The following RFX7 variants were observed in gnomAD, a reference collection of about 807,000 sequenced individuals.
RFX7 encodes the protein regulatory factor X7, also known as DNA-binding protein RFX7.
Under a neutral mutation model 111.8 loss-of-function variants are expected in RFX7, and 26 were observed. The ratio of observed to expected loss-of-function variants is 0.23; its 90% CI spans 0.17 to 0.32. The LOEUF (loss-of-function observed/expected upper bound fraction) is 0.32. Among genes scored for constraint, RFX7 ranks in the 10% least tolerant of loss-of-function variants. The probability of loss-of-function intolerance (pLI) is 1.00; values close to 1 mark genes in which losing one functional copy is unlikely to be tolerated. For missense variants in RFX7, 1,573 were observed against 1,772.9 expected (o/e 0.89, Z 2.02); for synonymous variants, 624 against 624.4 (o/e 1.00, Z 0.01).
At chr15:56,238,806 G>A (rs1316613943) in intron 2 of RFX7, among the ~76,000 whole-genome samples, 1 of 152,070 alleles carries the variant, frequency 6.6e-6, no homozygotes, top group East Asian at 1.9e-4. Flanking sequence ...GGGATCATAT[G>A]TGCTTCCGAC....
At chr15:56,134,876 G>A (rs1364250466) in intron 5 of RFX7, among the ~76,000 whole-genome samples, 1 of 151,810 alleles carries the variant, frequency 6.6e-6, no homozygotes, top group African/African-American at 2.4e-5. Flanking sequence ...TTGGTTTTTT[G>A]TTCTTGCGAT....
At chr15:56,110,563 C>T (rs1206298942) in intron 5 of RFX7, among the ~76,000 whole-genome samples, 13 of 12,756 alleles carry the variant, frequency 1.0e-3, no homozygotes, top group Non-Finnish European at 1.4e-3. Context: ...GCCCCCCGCC[C>T]GGCCAGCCAC....
rs2141255027 is a variant in RFX7 at position 56,243,276 on chromosome 15, C to G, written c.10G>C (p.Glu4Gln). The G allele has an allele frequency of 1.6e-6, 2 of 1,247,796 alleles. No homozygotes were observed. The highest frequency in any genetic ancestry group is 6.5e-5 in the East Asian group (1 of 15,470). The allele number at this position is 1,247,796 out of a possible 1,614,324, so 77.3% of individuals were successfully genotyped here. The change falls in exon 2 of 10, where the codon GAA becomes CAA. Residue 4 changes from glutamate (E) to glutamine (Q), a missense_variant. Glu to Gln is a conservative substitution (Grantham distance 29). Transcript: ENST00000559447. MAEEQQQPPPQQPD... is the reference protein window; with the variant it reads MAEQQQQPPPQQPD... Reference sequence around the variant, plus strand: ...TGCTGTGGTGGCGGCTGTTGTTGTTCCTCTGCCATCGCTGCAGAGGGGTGG... The same window carrying G: ...TGCTGTGGTGGCGGCTGTTGTTGTTGCTCTGCCATCGCTGCAGAGGGGTGG...
Position 56,231,277 on chromosome 15 carries a change from T to C in RFX7, c.161+11848A>G, listed in dbSNP as rs539133893. On this transcript the variant is annotated intron_variant, in intron 2 of 9. Coordinates refer to ENST00000559447, the MANE Select transcript of RFX7 (RefSeq NM_022841.7). ...ATTATGGTCTTGGCAGTCATATTAG[T>C]CTGTTTTCATGCTGCTGTTAAAGAC... Among the ~76,000 whole-genome samples the C allele has an allele frequency of 4.5e-4, 68 of 152,246 alleles. No homozygotes were observed. In the South Asian group the frequency reaches 0.013, roughly 28 times the overall value.
chr15:56,094,493 C>T lies in RFX7; in HGVS notation c.3235G>A (p.Gly1079Ser), dbSNP rs1379116022. 1 of 1,613,904 alleles carries T rather than the reference C, an allele frequency of 6.2e-7. No homozygotes were observed. Among genetic ancestry groups the T allele is most frequent in the Non-Finnish European group, 8.5e-7 (1 of 1,179,870 alleles). Residue 1079 changes from glycine (G) to serine (S), a missense_variant, in exon 10 of 10, where the codon GGC (glycine) becomes AGC (serine). This residue lies in a region of RFX7 where 411 missense variants were observed against 478.1 expected (regional missense o/e 0.86). Transcript: ENST00000559447. ...YSGVGNSSVS[G>S]HGILPSYQEL... ...TGATAGCTTGGGAGAATACCATGGC[C>T]AGAAACTGATGAATTACCAACCCCA...
chr15:56,131,728 G>C (rs370359823), intron 5 of RFX7, among the ~76,000 whole-genome samples: 37 of 152,256 alleles, frequency 2.4e-4, no homozygotes, highest in Middle Eastern at 3.4e-3. Flanking sequence ...CTTAACATCA[G>C]TGAACTTACT....
chr15:56,125,509 T>G (rs1160076475), intron 5 of RFX7, among the ~76,000 whole-genome samples: 1 of 152,126 alleles, frequency 6.6e-6, no homozygotes, highest in East Asian at 1.9e-4. Context: ...CATTTATTTG[T>G]ATCTTCTTTA....
chr15:56,135,647 T>C (rs1448455663), intron 5 of RFX7, among the ~76,000 whole-genome samples: 2 of 152,278 alleles, frequency 1.3e-5, no homozygotes, highest in Admixed American at 6.5e-5. Context: ...ATTTTGGCTT[T>C]TGTTGCCATT....
chr15:56,109,779 T>C (rs1327315229), intron 5 of RFX7, among the ~76,000 whole-genome samples: 1 of 142,982 alleles, frequency 7.0e-6, no homozygotes, highest in Non-Finnish European at 1.5e-5. Context: ...GCAACCGCCC[T>C]GTCTGAGAAG....
chr15:56,197,462 T>C (rs527719011), intron 2 of RFX7, among the ~76,000 whole-genome samples: 35 of 152,286 alleles, frequency 2.3e-4, no homozygotes, highest in African/African-American at 7.9e-4. Context: ...TTCTAAACTT[T>C]TGCTTTTCAC....
rs2140519943 is a variant in RFX7 at position 56,098,222 on chromosome 15, G to A, written c.966C>T (p.Ser322=). 1 of 1,613,926 alleles carries A rather than the reference G, an allele frequency of 6.2e-7. No homozygotes were observed. Among genetic ancestry groups the A allele is most frequent in the African/African-American group, 1.3e-5 (1 of 75,022 alleles). ...QKKQQEQKLQ[S]PLPGESAAKK... is the part of the protein sequence containing the mutation. The stretch of plus-strand genomic sequence containing the variant: ...TTGCTGCAGATTCTCCTGGCAAAGG[G>A]GATTGTAGTTTCTGTTCTTGCTGCT... The change falls in exon 9 of 10, where the codon TCC becomes TCT. Residue 322 remains serine (S), a synonymous_variant. Transcript: ENST00000559447.
intron 2 of RFX7, among the ~76,000 whole-genome samples, chr15:56,229,544 T>G (rs2043526178): frequency 6.6e-6 from 1 of 152,168 alleles, no homozygotes; most frequent in Non-Finnish European, 1.5e-5. Context: ...GTTTTGTTTT[T>G]AAGAAGATGA....
intron 2 of RFX7, among the ~76,000 whole-genome samples, chr15:56,225,382 T>C (rs1476179763): frequency 6.6e-6 from 1 of 152,184 alleles, no homozygotes; most frequent in Non-Finnish European, 1.5e-5. Context: ...GTCTTCATTA[T>C]GGAAAGCCCT....
In RFX7 at chr15:56,094,300, A is replaced by G. The variant is rs1230113272; in HGVS notation, c.3428T>C (p.Phe1143Ser). The G allele has an allele frequency of 6.2e-7, 1 of 1,613,992 alleles. No individual in the cohort carries two copies. The highest frequency in any genetic ancestry group is 1.7e-5 in the Admixed American group (1 of 60,020). ...TVNNTNKQEGFAVPAPLDNKG... is the reference protein window; with the variant it reads ...TVNNTNKQEGSAVPAPLDNKG... ...ATTATCAAGAGGGGCAGGGACTGCAAAACCCTCCTGTTTGTTGGTGTTATT... is the reference window on the plus strand; with the variant it reads ...ATTATCAAGAGGGGCAGGGACTGCAGAACCCTCCTGTTTGTTGGTGTTATT... Residue 1143 changes from phenylalanine to serine, a missense_variant, in exon 10 of 10, where the codon TTT becomes TCT. Phe to Ser is a radical substitution (Grantham distance 155). Coordinates refer to ENST00000559447, the MANE Select transcript of RFX7 (RefSeq NM_022841.7).
chr15:56,150,304 C>G (rs1347283843), intron 3 of RFX7, among the ~76,000 whole-genome samples: 1 of 152,150 alleles, frequency 6.6e-6, no homozygotes, highest in Non-Finnish European at 1.5e-5. Context: ...AGCGTTCCAG[C>G]TCTGCTAAGG....
At chr15:56,138,341 G>C (rs574000608) in intron 5 of RFX7, among the ~76,000 whole-genome samples, 1 of 151,000 alleles carries the variant, frequency 6.6e-6, no homozygotes, top group Admixed American at 6.6e-5. Flanking sequence ...AGCTCTTCTT[G>C]TTGAATTGAT....
intron 2 of RFX7, among the ~76,000 whole-genome samples, chr15:56,184,672 C>T (rs1381890947): frequency 1.3e-5 from 2 of 152,188 alleles, no homozygotes; most frequent in Non-Finnish European, 2.9e-5. Context: ...TGCCAAGGAA[C>T]ACTCTTCAAA....
At chr15:56,219,061 G>A (rs1265123914) in intron 2 of RFX7, among the ~76,000 whole-genome samples, 1 of 152,250 alleles carries the variant, frequency 6.6e-6, no homozygotes, top group East Asian at 1.9e-4. Context: ...ATTATAAAAA[G>A]TTAAAGTGTA....
rs560936687 is a variant in RFX7 at position 56,138,679 on chromosome 15, G to A, written c.401+4099C>T. 1.2e-3 allele frequency among the ~76,000 whole-genome samples: 177 copies of A among 152,178 alleles called. 1 individual carries two copies. The highest frequency in any genetic ancestry group is 4.2e-3 in the African/African-American group (174 of 41,504). On this transcript the variant is annotated intron_variant, in intron 5 of 9. Coordinates refer to ENST00000559447, the MANE Select transcript of RFX7 (RefSeq NM_022841.7). ...CATTATGATGTTAGCTGGTTGTTTTGCCCGTTAGTTGATGCAGTTTCTTCC... is the reference window on the plus strand; with the variant it reads ...CATTATGATGTTAGCTGGTTGTTTTACCCGTTAGTTGATGCAGTTTCTTCC...
Sources: gnomAD v4.1 joint callset for allele counts (sites outside exome capture counted in the v4.1 genomes callset) on GRCh38, gnomAD v4.1.1 for gene constraint, gnomAD v4.1.1 regional missense constraint, MANE v1.5 for transcripts, NCBI Gene and HGNC (gene_info 2026-07-23, HGNC 2026-07-21) for gene names.